The following ATP8A2 variants were observed in gnomAD, a reference collection of about 807,000 sequenced individuals.
ATP8A2 encodes the protein ATPase phospholipid transporting 8A2.
In ATP8A2, 100 loss-of-function variants were observed where a neutral mutation model predicts 165.6. The ratio of observed to expected loss-of-function variants is 0.60; its 90% CI spans 0.51 to 0.71. The LOEUF is 0.71. Ranked by LOEUF, ATP8A2 falls within the 30% of genes least tolerant of loss-of-function variation. ATP8A2 has a pLI of 0.00. For synonymous variants in ATP8A2, 543 were observed against 548.8 expected (o/e 0.99, Z 0.15); for missense variants, 1,227 against 1,479.5 (o/e 0.83, Z 2.80).
At chr13:25,815,478 G>A (rs1401095551) in intron 27 of ATP8A2, among the ~76,000 whole-genome samples, 3 of 152,100 alleles carry the variant, frequency 2.0e-5, no homozygotes, top group Non-Finnish European at 4.4e-5. Flanking sequence ...GTAATTCAAA[G>A]CTACACTGAG....
intron 27 of ATP8A2, among the ~76,000 whole-genome samples, chr13:25,786,658 G>T (rs977501381): frequency 2.0e-5 from 3 of 151,790 alleles, no homozygotes; most frequent in Non-Finnish European, 4.4e-5. Flanking sequence ...TTATTCTACT[G>T]AAAGTGCTTA....
chr13:25,372,478 G>C lies in ATP8A2; in HGVS notation c.76+190G>C, dbSNP rs1247358624. ...GGGGGCTGGGCGTCGCTGCACCTGC[G>C]GGGCCAAAAGGCTCCAGGCCGGGGC... On this transcript the variant is annotated intron_variant, in intron 1 of 36. Coordinates refer to ENST00000381655, the MANE Select transcript of ATP8A2 (RefSeq NM_016529.6). This position sits in a 1 kb window ranked among gnomAD's most constrained non-coding sequence, Gnocchi z 4.8. 1.3e-5 allele frequency among the ~76,000 whole-genome samples: 2 copies of C among 152,162 alleles called. No individual in the cohort carries two copies. Among genetic ancestry groups the C allele is most frequent in the African/African-American group, 2.4e-5 (1 of 41,460 alleles).
At chr13:25,516,630 ATTG>A (rs1344363207) in intron 2 of ATP8A2, among the ~76,000 whole-genome samples, 2 of 152,122 alleles carry the variant, frequency 1.3e-5, no homozygotes, top group African/African-American at 2.4e-5. Flanking sequence ...ATAACAAATA[ATTG>A]TTGTTTCTTT....
intron 2 of ATP8A2, among the ~76,000 whole-genome samples, chr13:25,495,618 G>A (rs968616832): frequency 2.2e-5 from 3 of 135,226 alleles, no homozygotes; most frequent in South Asian, 5.1e-4. Context: ...CACCATGCAT[G>A]CCTTGCTTTT....
chr13:25,668,391 T>C (rs1409523017), intron 24 of ATP8A2, among the ~76,000 whole-genome samples: 1 of 152,162 alleles, frequency 6.6e-6, no homozygotes, highest in Non-Finnish European at 1.5e-5. Flanking sequence ...AAATTGGCAG[T>C]TGATTTTATT....
chr13:25,431,110 A>C (rs1340899319), intron 1 of ATP8A2, among the ~76,000 whole-genome samples: 1 of 151,708 alleles, frequency 6.6e-6, no homozygotes, highest in African/African-American at 2.4e-5. Flanking sequence ...AGAAAACCTC[A>C]ACATTGTTAA....
intron 24 of ATP8A2, among the ~76,000 whole-genome samples, chr13:25,688,133 C>T (rs1411320185): frequency 6.6e-6 from 1 of 151,988 alleles, no homozygotes; most frequent in African/African-American, 2.4e-5. Context: ...CTGTTTTGTG[C>T]TGTTGTGTCG....
intron 30 of ATP8A2, among the ~76,000 whole-genome samples, chr13:25,850,170 G>A (rs184102229): frequency 4.1e-4 from 63 of 152,316 alleles, no homozygotes; most frequent in South Asian, 1.7e-3. Flanking sequence ...CCACTGATGC[G>A]ATGGGGAGGC....
chr13:25,729,308 C>G (rs1461431128), intron 25 of ATP8A2, among the ~76,000 whole-genome samples: 3 of 152,180 alleles, frequency 2.0e-5, no homozygotes, highest in Admixed American at 2.0e-4. Flanking sequence ...GTATCTCAGC[C>G]TCCCTGTCCT....
Position 25,579,965 on chromosome 13 carries a change from A to C in ATP8A2, c.2007+18A>C, listed in dbSNP as rs773364222. On this transcript the variant is annotated intron_variant, in intron 22 of 36. Transcript: ENST00000381655. ...TTGAGAAGGTAACCGCACACAATAC[A>C]GTCTTTTCAGCTCCATGAAGGACTT... is the stretch of plus-strand genomic sequence containing the variant. The C allele has an allele frequency of 5.9e-5, 95 of 1,613,032 alleles. 2 individuals are homozygous for C. The South Asian group carries it at 1.0e-3, about 18-fold the overall frequency.
chr13:25,548,495 G>A (rs1446385876), intron 10 of ATP8A2, among the ~76,000 whole-genome samples: 1 of 152,136 alleles, frequency 6.6e-6, no homozygotes, highest in Non-Finnish European at 1.5e-5. Context: ...TTTTTTTCCT[G>A]CCTGTACATT....
At chr13:25,987,944 C>T (rs1038790385) in intron 35 of ATP8A2, among the ~76,000 whole-genome samples, 3 of 152,194 alleles carry the variant, frequency 2.0e-5, no homozygotes, top group Non-Finnish European at 4.4e-5. Flanking sequence ...GTTACATTCA[C>T]CTTTGGCTAA....
At chr13:25,402,800 G>A (rs1332160089) in intron 1 of ATP8A2, among the ~76,000 whole-genome samples, 1 of 152,270 alleles carries the variant, frequency 6.6e-6, no homozygotes, top group East Asian at 1.9e-4. Context: ...GTCTGGTTGG[G>A]CTGCTATAAT....
chr13:25,793,003 G>T (rs1444344807), intron 27 of ATP8A2, among the ~76,000 whole-genome samples: 1 of 148,722 alleles, frequency 6.7e-6, no homozygotes. Flanking sequence ...AGGGGAGAGA[G>T]GGGAGGGCAG....
At position 25,685,343 on chromosome 13, in the gene ATP8A2, G is replaced by A. The variant is rs145025441; in HGVS notation, c.2212-13830G>A. On this transcript the variant is annotated intron_variant, in intron 24 of 36. Coordinates refer to ENST00000381655, the MANE Select transcript of ATP8A2 (RefSeq NM_016529.6). Reference sequence around the variant, plus strand: ...CTTTTTTATGTCATTCTTCCATTCGGTAAAGATTTGAATATACTTTGCAAG... The same window carrying A: ...CTTTTTTATGTCATTCTTCCATTCGATAAAGATTTGAATATACTTTGCAAG... 3.3e-5 allele frequency among the ~76,000 whole-genome samples: 5 copies of A among 152,260 alleles called. No homozygotes were observed. In the East Asian group the frequency reaches 5.8e-4, roughly 18 times the overall value.
intron 1 of ATP8A2, among the ~76,000 whole-genome samples, chr13:25,386,957 CTT>C: frequency 7.0e-6 from 1 of 143,128 alleles, no homozygotes; most frequent in Admixed American, 7.0e-5. Context: ...AGATCGCGCC[CTT>C]GCACTCCAGC....
intron 27 of ATP8A2, among the ~76,000 whole-genome samples, chr13:25,782,485 T>C (rs1352682621): frequency 6.6e-6 from 1 of 152,148 alleles, no homozygotes; most frequent in African/African-American, 2.4e-5. Flanking sequence ...GAGTTCCCCA[T>C]CTAATACAGG....
chr13:25,558,274 C>T (rs1214717252), intron 13 of ATP8A2, among the ~76,000 whole-genome samples: 1 of 152,088 alleles, frequency 6.6e-6, no homozygotes, highest in Non-Finnish European at 1.5e-5. Flanking sequence ...AAGGCAGATT[C>T]TACTAAATTT....
chr13:25,553,731 C>G lies in ATP8A2; in HGVS notation c.1058-62C>G, dbSNP rs1452677654. 2.8e-5 allele frequency: 43 copies of G among 1,525,230 alleles called. 1 individual carries two copies. The Admixed American group carries it at 8.1e-4, about 29-fold the overall frequency. 94.5% of individuals were successfully genotyped at this position (1,525,230 alleles called of 1,614,324 possible). A position where few individuals can be genotyped will look rare whatever the true frequency, so the allele number is the denominator to read the frequency against. Reference sequence around the variant, plus strand: ...TCAATAACTATTTTAACATGAATCTCTAAATGAGCCAATAGACTTTGGTTG... The same window carrying G: ...TCAATAACTATTTTAACATGAATCTGTAAATGAGCCAATAGACTTTGGTTG... On this transcript the variant is annotated intron_variant, in intron 11 of 36. Transcript: ENST00000381655.
Sources: gnomAD v4.1 joint callset for allele counts (sites outside exome capture counted in the v4.1 genomes callset) on GRCh38, gnomAD v4.1.1 for gene constraint, Gnocchi (gnomAD v3.1) non-coding constraint, MANE v1.5 for transcripts, NCBI Gene and HGNC (gene_info 2026-07-23, HGNC 2026-07-21) for gene names.